The following SETBP1 variants were observed in gnomAD, a reference collection of about 807,000 sequenced individuals.
SETBP1 encodes the protein SET-binding protein.
In SETBP1, 9 loss-of-function variants were observed where a neutral mutation model predicts 101.0. The observed-to-expected ratio is 0.09, with a 90% CI of 0.05 to 0.16. The LOEUF (loss-of-function observed/expected upper bound fraction) is 0.16, where lower values mean the gene tolerates loss of function less well. SETBP1 is among the 10% of genes least tolerant of loss of function. The probability of loss-of-function intolerance (pLI) is 1.00; values close to 1 mark genes in which losing one functional copy is unlikely to be tolerated. For missense variants in SETBP1, 1,858 were observed against 2,033.8 expected, an observed-to-expected ratio of 0.91 and a Z score of 1.66; for synonymous variants, 818 against 788.5, an observed-to-expected ratio of 1.04 and a Z score of -0.63.
intron 4 of SETBP1, among the ~76,000 whole-genome samples, chr18:44,958,113 C>T (rs946739242): frequency 6.6e-6 from 1 of 152,166 alleles, no homozygotes; most frequent in Non-Finnish European, 1.5e-5. Flanking sequence ...TCTGACCAGA[C>T]CTAATAGTTG....
chr18:45,023,970 A>G (rs542469851), intron 4 of SETBP1, among the ~76,000 whole-genome samples: 1 of 152,350 alleles, frequency 6.6e-6, no homozygotes, highest in East Asian at 1.9e-4. Context: ...GATTTAAACC[A>G]AGGACCGTCT....
At chr18:44,683,043 G>A (rs1408102831) in intron 1 of SETBP1, among the ~76,000 whole-genome samples, 2 of 152,172 alleles carry the variant, frequency 1.3e-5, no homozygotes, top group African/African-American at 4.8e-5. Context: ...TGAACATAAG[G>A]TGGAGTGTCT....
chr18:44,959,357 G>A (rs2071561734), intron 4 of SETBP1, among the ~76,000 whole-genome samples: 1 of 152,206 alleles, frequency 6.6e-6, no homozygotes, highest in Admixed American at 6.5e-5. Flanking sequence ...AACAAGTGAT[G>A]AATACTTTTA....
At chr18:44,862,174 C>T (rs684329) in intron 2 of SETBP1, among the ~76,000 whole-genome samples, 132,464 of 152,242 alleles carry the variant, frequency 0.87, 57,791 homozygotes, top group African/African-American at 0.92. Context: ...TAAAAGCTCT[C>T]TTGGCTCCAT....
chr18:44,932,445 T>C (rs2070859358), intron 3 of SETBP1, among the ~76,000 whole-genome samples: 1 of 152,222 alleles, frequency 6.6e-6, no homozygotes, highest in Non-Finnish European at 1.5e-5. Context: ...AGGAGGATCT[T>C]TGTGGCGTTC....
chr18:44,885,788 A>G (rs1014341798), intron 3 of SETBP1, among the ~76,000 whole-genome samples: 2 of 147,282 alleles, frequency 1.4e-5, no homozygotes, highest in Middle Eastern at 3.3e-3. Flanking sequence ...GTGTGTAGAC[A>G]GGGAAAACAT....
At chr18:44,801,873 G>C (rs1475462807) in intron 2 of SETBP1, among the ~76,000 whole-genome samples, 2 of 150,948 alleles carry the variant, frequency 1.3e-5, no homozygotes, top group Non-Finnish European at 2.9e-5. Context: ...TTTCCAAGCA[G>C]ACATGCCTAT....
chr18:44,773,641 T>G lies in SETBP1; in HGVS notation c.486+71809T>G, dbSNP rs775191426. Among the ~76,000 whole-genome samples the G allele has an allele frequency of 5.4e-3, 825 of 152,256 alleles. 3 individuals are homozygous for G. Among genetic ancestry groups the G allele is most frequent in the Non-Finnish European group, 8.8e-3 (602 of 68,030 alleles). ...CACTCTTTAAGTGTGTATTCCCAAC[T>G]GATGGAAAATAACACCCAAACCAAA... On this transcript the variant is annotated intron_variant, in intron 2 of 5. Transcript: ENST00000649279.
At chr18:44,849,712 T>G (rs896836234) in intron 2 of SETBP1, among the ~76,000 whole-genome samples, 1 of 151,740 alleles carries the variant, frequency 6.6e-6, no homozygotes, top group Non-Finnish European at 1.5e-5. Flanking sequence ...GCTCTCATCT[T>G]CATCACTTTC....
At chr18:44,888,102 G>A (rs2069690112) in intron 3 of SETBP1, among the ~76,000 whole-genome samples, 3 of 152,108 alleles carry the variant, frequency 2.0e-5, no homozygotes. Context: ...TTCCTGCCTG[G>A]ATGGAGTATT....
chr18:45,034,729 G>T (rs1366790086), intron 4 of SETBP1, among the ~76,000 whole-genome samples: 1 of 152,096 alleles, frequency 6.6e-6, no homozygotes, highest in Non-Finnish European at 1.5e-5. Context: ...ACTGCAGTTT[G>T]TCTCGTGTTG....
chr18:44,789,449 C>A (rs925603901), intron 2 of SETBP1, among the ~76,000 whole-genome samples: 1 of 152,168 alleles, frequency 6.6e-6, no homozygotes, highest in Non-Finnish European at 1.5e-5. Flanking sequence ...TTGAATCTGA[C>A]TTCTTTCAGT....
chr18:44,967,149 C>A (rs988566708), intron 4 of SETBP1, among the ~76,000 whole-genome samples: 8 of 152,128 alleles, frequency 5.3e-5, no homozygotes, highest in Non-Finnish European at 1.0e-4. Context: ...TTAGCTGGAC[C>A]ACAGTTGTAG....
intron 1 of SETBP1, among the ~76,000 whole-genome samples, chr18:44,698,614 G>A (rs2069060218): frequency 6.6e-6 from 1 of 152,154 alleles, no homozygotes; most frequent in African/African-American, 2.4e-5. Flanking sequence ...CAAGATCAAA[G>A]ATCTGTCTTC....
intron 2 of SETBP1, among the ~76,000 whole-genome samples, chr18:44,743,239 G>C: frequency 6.6e-6 from 1 of 152,092 alleles, no homozygotes; most frequent in South Asian, 2.1e-4. Flanking sequence ...CATATGGGGA[G>C]CTTGTTTAAT....
intron 2 of SETBP1, among the ~76,000 whole-genome samples, chr18:44,865,426 GA>G (rs2069107681): frequency 6.6e-6 from 1 of 152,130 alleles, no homozygotes. Flanking sequence ...GGGACACAAT[GA>G]TTTTCTCCTC....
chr18:44,950,630 G>C lies in SETBP1; in HGVS notation c.1290G>C (p.Lys430Asn), dbSNP rs776747417. 3 of 1,614,128 alleles carry C rather than the reference G, an allele frequency of 1.9e-6. No homozygotes were observed. The highest frequency in any genetic ancestry group is 4.5e-5 in the East Asian group (2 of 44,866). The change falls in exon 4 of 6, where the codon AAG (lysine) becomes AAC (asparagine). Residue 430 changes from lysine to asparagine, a missense_variant. By Grantham distance (94) the Lys-to-Asn change is moderately conservative (BLOSUM62 0). Transcript: ENST00000649279. ...AGTCCATTAAAGCGGTGGTGGAAAA[G>C]ATCATGCCAGAGAAAGCCTTGGCTT... ...KRQSIKAVVE[K>N]IMPEKALASG...
chr18:45,059,616 G>A (rs1433999259), intron 5 of SETBP1, among the ~76,000 whole-genome samples: 1 of 152,000 alleles, frequency 6.6e-6, no homozygotes, highest in African/African-American at 2.4e-5. Flanking sequence ...AAGGTAGTTA[G>A]TTCTAGATCT....
At chr18:44,685,733 T>C (rs1045246916) in intron 1 of SETBP1, among the ~76,000 whole-genome samples, 5 of 152,192 alleles carry the variant, frequency 3.3e-5, no homozygotes, top group Non-Finnish European at 2.9e-5. Flanking sequence ...TGGAAACTGG[T>C]GCCTGGGATT....
Sources: allele counts gnomAD v4.1 joint callset (sites outside exome capture counted in the v4.1 genomes callset), GRCh38; gene constraint gnomAD v4.1.1; transcripts MANE v1.5; gene names NCBI Gene and HGNC (gene_info 2026-07-23, HGNC 2026-07-21).